The following CDK16 variants were observed in gnomAD, a reference collection of about 807,000 sequenced individuals.
CDK16 encodes the protein cyclin-dependent kinase 16.
CDK16 carries 2 observed loss-of-function variants against 41.6 expected under a neutral mutation model. The ratio of observed to expected loss-of-function variants is 0.05; its 90% CI spans 0.02 to 0.15. The LOEUF (loss-of-function observed/expected upper bound fraction) is 0.15, where lower values mean the gene tolerates loss of function less well. CDK16 is among the 10% of genes least tolerant of loss of function. CDK16 has a pLI of 1.00. For missense variants in CDK16, 228 were observed against 428.9 expected (o/e 0.53, Z 4.14); for synonymous variants, 169 against 169.7 (o/e 1.00, Z 0.03).
At chrX:47,220,319 T>C (rs972135404) in intron 1 of CDK16, among the ~76,000 whole-genome samples, 20 of 105,770 alleles carry the variant, frequency 1.9e-4, no homozygotes, top group African/African-American at 6.3e-4. Flanking sequence ...GGGGATCTAG[T>C]GTGTAATAAG....
chrX:47,221,967 G>A lies in CDK16; in HGVS notation c.-6-1585G>A, dbSNP rs1937353296. On this transcript the variant is annotated intron_variant, in intron 1 of 15. Transcript: ENST00000357227. ...TCCCTTGGGCCCAGGGCCATCTTAG[G>A]CCCTGCTGTGAGTCCAGATGGTTCC... is the stretch of plus-strand genomic sequence containing the variant. Among the ~76,000 whole-genome samples the A allele has an allele frequency of 3.6e-5, 4 of 111,848 alleles. No individual in the cohort carries two copies. In the South Asian group the frequency reaches 1.5e-3, roughly 42 times the overall value.
intron 1 of CDK16, among the ~76,000 whole-genome samples, chrX:47,219,472 T>C (rs1294994719): frequency 9.2e-6 from 1 of 108,741 alleles, no homozygotes; most frequent in African/African-American, 3.4e-5. Flanking sequence ...CCGTGTGTGC[T>C]TGTGGAAGGA....
At position 47,228,980 on chromosome X, in the gene CDK16, A is replaced by G; in HGVS notation, c.*212A>G. On this transcript the variant is annotated 3_prime_UTR_variant, in exon 16 of 16. Coordinates refer to ENST00000357227, the MANE Select transcript of CDK16 (RefSeq NM_006201.5). Reference sequence around the variant, plus strand: ...TCTGCTGGGTGCTAACAAAGCTCTCATCACTCCTTCACTTGGTCTGTCTGT... The same window carrying G: ...TCTGCTGGGTGCTAACAAAGCTCTCGTCACTCCTTCACTTGGTCTGTCTGT... 1 of 496,103 alleles carries G rather than the reference A, an allele frequency of 2.0e-6. No homozygotes were observed. The highest frequency in any genetic ancestry group is 3.6e-6 in the Non-Finnish European group (1 of 276,862). 40.9% of individuals were successfully genotyped at this position (496,103 alleles called of 1,213,427 possible). A position where few individuals can be genotyped will look rare whatever the true frequency, so the allele number is the denominator to read the frequency against.
intron 14 of CDK16, 93 bp downstream of exon 14, chrX:47,227,562 G>A: frequency 1.7e-6 from 1 of 594,685 alleles, no homozygotes; most frequent in South Asian, 2.6e-5. Context: ...TTCTGGCTGT[G>A]CCACCTCTAC....
Position 47,229,551 on chromosome X carries a change from C to A in CDK16, c.*783C>A, listed in dbSNP as rs1255244101. On this transcript the variant is annotated 3_prime_UTR_variant, in exon 16 of 16. Transcript: ENST00000357227. Reference sequence around the variant, plus strand: ...GGGGATCTGGGGACTACCAGAGACTCTGGGAAATGGACAAGGTGGGGGGCC... The same window carrying A: ...GGGGATCTGGGGACTACCAGAGACTATGGGAAATGGACAAGGTGGGGGGCC... 1 of 218,068 alleles carries A rather than the reference C, an allele frequency of 4.6e-6. No individual in the cohort carries two copies. 18.0% of individuals were successfully genotyped at this position (218,068 alleles called of 1,213,427 possible).
At position 47,223,101 on chromosome X, in the gene CDK16, A is replaced by C. The variant is rs1392692181; in HGVS notation, c.-6-451A>C. ...AGGGTGGTGCTAGGGGAACTATGCC[A>C]CTCTATGGCCGTGCTCGAGACCATG... is the stretch of plus-strand genomic sequence containing the variant. On this transcript the variant is annotated intron_variant, in intron 1 of 15. Transcript: ENST00000357227. The C allele has an allele frequency of 8.7e-6, 10 of 1,153,024 alleles. No individual in the cohort carries two copies. The Middle Eastern group carries it at 6.9e-4, about 80-fold the overall frequency.
Position 47,228,848 on chromosome X carries a change from C to T in CDK16, c.*80C>T. ...AGGGCAGCCCCCAACTACATCTTCCCTGCTTACTCTCTGCCTACCTGCCTG... is the reference window on the plus strand; with the variant it reads ...AGGGCAGCCCCCAACTACATCTTCCTTGCTTACTCTCTGCCTACCTGCCTG... On this transcript the variant is annotated 3_prime_UTR_variant, in exon 16 of 16. Transcript: ENST00000357227. 1.0e-6 allele frequency: 1 copy of T among 986,486 alleles called. No individual in the cohort carries two copies. Among genetic ancestry groups the T allele is most frequent in the Non-Finnish European group, 1.4e-6 (1 of 705,546 alleles). The allele number at this position is 986,486 out of a possible 1,213,427, so 81.3% of individuals were successfully genotyped here. A position where few individuals can be genotyped will look rare whatever the true frequency, so the allele number is the denominator to read the frequency against.
At chrX:47,223,366 A>C (rs1159861655) in intron 1 of CDK16, 186 bp from the exon 2 acceptor site, 1 of 1,089,390 alleles carries the variant, frequency 9.2e-7, no homozygotes, top group African/African-American at 1.8e-5. Flanking sequence ...GTGGGCAGGT[A>C]CTGACAAAGA....
chrX:47,229,094 G>A lies in CDK16; in HGVS notation c.*326G>A. 3 of 372,409 alleles carry A rather than the reference G, an allele frequency of 8.1e-6. No individual in the cohort carries two copies. Among genetic ancestry groups the A allele is most frequent in the South Asian group, 3.4e-5 (1 of 29,319 alleles). 30.7% of individuals were successfully genotyped at this position (372,409 alleles called of 1,213,427 possible). A position where few individuals can be genotyped will look rare whatever the true frequency, so the allele number is the denominator to read the frequency against. On this transcript the variant is annotated 3_prime_UTR_variant, in exon 16 of 16. Coordinates refer to ENST00000357227, the MANE Select transcript of CDK16 (RefSeq NM_006201.5). ...CTACCCCCCATCATACCAGCCCCCA[G>A]GACCACTACCCCACGGCCAGCCAGG...
At position 47,228,817 on chromosome X, in the gene CDK16, C is replaced by T. The variant is rs2055286254; in HGVS notation, c.*49C>T. The stretch of plus-strand genomic sequence containing the variant: ...GCAGCGGCTGGAGGGATGCCACACC[C>T]CTCACAGGGCAGCCCCCAACTACAT... On this transcript the variant is annotated 3_prime_UTR_variant, in exon 16 of 16. Transcript: ENST00000357227. 1 of 1,126,699 alleles carries T rather than the reference C, an allele frequency of 8.9e-7. No individual in the cohort carries two copies. Among genetic ancestry groups the T allele is most frequent in the Non-Finnish European group, 1.2e-6 (1 of 823,475 alleles). The allele number at this position is 1,126,699 out of a possible 1,213,427, so 92.9% of individuals were successfully genotyped here.
Position 47,218,981 on chromosome X carries a change from C to T in CDK16, c.-131C>T. On this transcript the variant is annotated 5_prime_UTR_variant, in exon 1 of 16. Coordinates refer to ENST00000357227, the MANE Select transcript of CDK16 (RefSeq NM_006201.5). ...CGGGCCCAGCAACCATGGCTGAAGACTACTGGGACGGGCGCCTGCGGCGAA... is the reference window on the plus strand; with the variant it reads ...CGGGCCCAGCAACCATGGCTGAAGATTACTGGGACGGGCGCCTGCGGCGAA... The T allele has an allele frequency of 1.1e-6, 1 of 922,603 alleles. No individual in the cohort carries two copies. Among genetic ancestry groups the T allele is most frequent in the Non-Finnish European group, 1.3e-6 (1 of 746,458 alleles). 76.0% of individuals were successfully genotyped at this position (922,603 alleles called of 1,213,427 possible).
Position 47,228,753 on chromosome X carries a change from G to A in CDK16, c.1476G>A (p.Val492=). Residue 492 remains valine, a synonymous_variant, in exon 16 of 16, where the codon GTG becomes GTA. Coordinates refer to ENST00000357227, the MANE Select transcript of CDK16 (RefSeq NM_006201.5). Reference sequence around the variant, plus strand: ...CAGGCAGGCCAGCTTTCCGCGTGGTGGACACCGAGTTCTAAGCCACAGACC... The same window carrying A: ...CAGGCAGGCCAGCTTTCCGCGTGGTAGACACCGAGTTCTAAGCCACAGACC... ...PDSGRPAFRV[V]DTEF 8.3e-7 allele frequency: 1 copy of A among 1,210,108 alleles called. No individual in the cohort carries two copies. The highest frequency in any genetic ancestry group is 1.1e-6 in the Non-Finnish European group (1 of 894,514).
In CDK16 at chrX:47,223,554, C is replaced by T. The variant is rs764501733; in HGVS notation, c.-4C>T. On this transcript the variant is annotated splice_region_variant and 5_prime_UTR_variant, in exon 2 of 16. Transcript: ENST00000357227. ...TTCCATCCTTGTCCCTTGCTCAGATCGCCATGGATCGGATGAAGAAGATCA... is the reference window on the plus strand; with the variant it reads ...TTCCATCCTTGTCCCTTGCTCAGATTGCCATGGATCGGATGAAGAAGATCA... The T allele has an allele frequency of 1.7e-5, 21 of 1,208,075 alleles. No homozygotes were observed. The Admixed American group carries it at 2.2e-4, about 13-fold the overall frequency.
In CDK16 at chrX:47,229,214, C is replaced by T; in HGVS notation, c.*446C>T. On this transcript the variant is annotated 3_prime_UTR_variant, in exon 16 of 16. Transcript: ENST00000357227. Reference sequence around the variant, plus strand: ...ATCCTCTGCCTGCTTTCCTGCCTGCCCCACCTGCCTCATATTGTGTGGGCC... The same window carrying T: ...ATCCTCTGCCTGCTTTCCTGCCTGCTCCACCTGCCTCATATTGTGTGGGCC... The T allele has an allele frequency of 3.8e-6, 1 of 261,100 alleles. No homozygotes were observed. Among genetic ancestry groups the T allele is most frequent in the South Asian group, 4.8e-5 (1 of 20,711 alleles). 21.5% of individuals were successfully genotyped at this position (261,100 alleles called of 1,213,427 possible).
Position 47,228,981 on chromosome X carries a change from T to C in CDK16, c.*213T>C. Reference sequence around the variant, plus strand: ...CTGCTGGGTGCTAACAAAGCTCTCATCACTCCTTCACTTGGTCTGTCTGTC... The same window carrying C: ...CTGCTGGGTGCTAACAAAGCTCTCACCACTCCTTCACTTGGTCTGTCTGTC... On this transcript the variant is annotated 3_prime_UTR_variant, in exon 16 of 16. Coordinates refer to ENST00000357227, the MANE Select transcript of CDK16 (RefSeq NM_006201.5). 4.0e-6 allele frequency: 2 copies of C among 494,170 alleles called. No homozygotes were observed. The highest frequency in any genetic ancestry group is 7.3e-6 in the Non-Finnish European group (2 of 275,375). 40.7% of individuals were successfully genotyped at this position (494,170 alleles called of 1,213,427 possible).
Position 47,228,822 on chromosome X carries a change from C to T in CDK16, c.*54C>T, listed in dbSNP as rs1043933081. The T allele has an allele frequency of 5.8e-5, 64 of 1,101,064 alleles. No individual in the cohort carries two copies. The highest frequency in any genetic ancestry group is 7.7e-5 in the Non-Finnish European group (62 of 802,735). 90.7% of individuals were successfully genotyped at this position (1,101,064 alleles called of 1,213,427 possible). A position where few individuals can be genotyped will look rare whatever the true frequency, so the allele number is the denominator to read the frequency against. On this transcript the variant is annotated 3_prime_UTR_variant, in exon 16 of 16. Coordinates refer to ENST00000357227, the MANE Select transcript of CDK16 (RefSeq NM_006201.5). The stretch of plus-strand genomic sequence containing the variant: ...GGCTGGAGGGATGCCACACCCCTCA[C>T]AGGGCAGCCCCCAACTACATCTTCC...
intron 2 of CDK16, among the ~76,000 whole-genome samples, 157 bp downstream of exon 2, chrX:47,223,916 CGTCT>C (rs1352543640): frequency 3.6e-5 from 4 of 109,843 alleles, no homozygotes; most frequent in Non-Finnish European, 5.7e-5. Context: ...CTCTCAACAC[CGTCT>C]GTCTATCTGT....
At chrX:47,225,892 AG>A in intron 7 of CDK16, 26 bp downstream of exon 7, 1 of 1,194,231 alleles carries the variant, frequency 8.4e-7, no homozygotes, top group South Asian at 1.8e-5. Context: ...AGTAGGTCCC[AG>A]GGGGAGGTGA....
chrX:47,223,816 G>A, intron 2 of CDK16, 57 bp downstream of exon 2: 1 of 1,037,186 alleles, frequency 9.6e-7, no homozygotes, highest in African/African-American at 1.8e-5. Flanking sequence ...CCCAGGTGTT[G>A]CCTCCTGGTC....
Sources: allele counts gnomAD v4.1 joint callset (sites outside exome capture counted in the v4.1 genomes callset), GRCh38; gene constraint gnomAD v4.1.1; transcripts MANE v1.5; gene names NCBI Gene and HGNC (gene_info 2026-07-23, HGNC 2026-07-21).